The following ADK variants were observed in gnomAD, a reference collection of about 807,000 sequenced individuals.
The protein encoded by ADK is N6,N6-dimethyladenosine kinase.
ADK carries 24 observed loss-of-function variants against 44.7 expected under a neutral mutation model. The observed-to-expected ratio is 0.54, with a 90% CI of 0.39 to 0.76. The LOEUF (loss-of-function observed/expected upper bound fraction) is 0.76. ADK is among the 30% of genes least tolerant of loss of function. The probability of loss-of-function intolerance (pLI) is 0.00; values close to 1 mark genes in which losing one functional copy is unlikely to be tolerated. For synonymous variants in ADK, 128 were observed against 142.6 expected (o/e 0.90, Z 0.73); for missense variants, 321 against 425.1 (o/e 0.76, Z 2.15).
At chr10:74,172,915 A>C (rs964173558) in intron 1 of ADK, among the ~76,000 whole-genome samples, 2 of 151,856 alleles carry the variant, frequency 1.3e-5, no homozygotes, top group Non-Finnish European at 2.9e-5. Flanking sequence ...AAAAAAAAAA[A>C]AAAAACGGTT....
At chr10:74,469,863 A>G (rs924293012) in intron 6 of ADK, among the ~76,000 whole-genome samples, 2 of 152,066 alleles carry the variant, frequency 1.3e-5, no homozygotes, top group Non-Finnish European at 2.9e-5. Context: ...TAGATATTTC[A>G]TGTAAGTAGG....
chr10:74,372,424 T>A, intron 4 of ADK: 1 of 659,688 alleles, frequency 1.5e-6, no homozygotes, highest in East Asian at 2.8e-5. Context: ...TAAGCTGTTA[T>A]TGCACACGCT....
chr10:74,670,372 C>A (rs548589936), intron 10 of ADK, 103 bp downstream of exon 10: 8 of 865,450 alleles, frequency 9.2e-6, no homozygotes, highest in Non-Finnish European at 1.3e-5. Flanking sequence ...CTAATTTCTT[C>A]TTTTAAATAA....
intron 8 of ADK, among the ~76,000 whole-genome samples, chr10:74,593,702 A>G (rs1024483236): frequency 2.0e-5 from 3 of 152,192 alleles, no homozygotes; most frequent in African/African-American, 7.2e-5. Flanking sequence ...AAAACAAAAC[A>G]AAATGGTATG....
intron 8 of ADK, among the ~76,000 whole-genome samples, chr10:74,591,753 T>C (rs1310256935): frequency 6.6e-6 from 1 of 152,180 alleles, no homozygotes; most frequent in Admixed American, 6.5e-5. Flanking sequence ...TGACTCTAAA[T>C]TTGGAGCATG....
chr10:74,370,615 C>G (rs565106557), intron 4 of ADK, among the ~76,000 whole-genome samples: 1 of 152,168 alleles, frequency 6.6e-6, no homozygotes, highest in African/African-American at 2.4e-5. Context: ...TTTCTACAGG[C>G]TTTCTGATAT....
intron 4 of ADK, among the ~76,000 whole-genome samples, chr10:74,392,951 C>G (rs1284766500): frequency 6.6e-6 from 1 of 151,884 alleles, no homozygotes; most frequent in Non-Finnish European, 1.5e-5. Context: ...ATAATTTAAT[C>G]GACTGATCTT....
intron 3 of ADK, among the ~76,000 whole-genome samples, chr10:74,293,803 A>T (rs71473725): frequency 2.6e-5 from 4 of 152,344 alleles, no homozygotes; most frequent in African/African-American, 9.6e-5. Flanking sequence ...GAATTAAAGT[A>T]TAACATACAT....
intron 9 of ADK, among the ~76,000 whole-genome samples, chr10:74,632,129 C>T (rs1446474852): frequency 6.6e-6 from 1 of 152,162 alleles, no homozygotes; most frequent in Non-Finnish European, 1.5e-5. Flanking sequence ...TTCTCCCAAC[C>T]TTAAGCAACG....
At chr10:74,456,560 G>A (rs1190632583) in intron 6 of ADK, among the ~76,000 whole-genome samples, 5 of 151,164 alleles carry the variant, frequency 3.3e-5, no homozygotes, top group East Asian at 1.9e-4. Context: ...CCAGCTACTC[G>A]GGAGGCTGAG....
intron 6 of ADK, among the ~76,000 whole-genome samples, chr10:74,515,823 G>A (rs1848546896): frequency 6.6e-6 from 1 of 152,110 alleles, no homozygotes; most frequent in African/African-American, 2.4e-5. Context: ...TCTGTTGGTG[G>A]TATGGCCATG....
intron 9 of ADK, among the ~76,000 whole-genome samples, chr10:74,622,408 C>G (rs1391464747): frequency 1.3e-5 from 2 of 152,034 alleles, no homozygotes; most frequent in Non-Finnish European, 2.9e-5. Context: ...CTTGTCAGCT[C>G]TCTCATCCCT....
Position 74,347,106 on chromosome 10 carries a change from C to CAAAAA in ADK, c.273+32393_273+32397dup, listed in dbSNP as rs58074760. Among the ~76,000 whole-genome samples, 22 of 92,298 alleles carry CAAAAA rather than the reference C, an allele frequency of 2.4e-4. 3 individuals are homozygous for CAAAAA. The highest frequency in any genetic ancestry group is 1.1e-3 in the African/African-American group (16 of 14,578). 60.6% of individuals were successfully genotyped at this position (92,298 alleles called of 152,430 possible). On this transcript the variant is annotated intron_variant, in intron 4 of 10. Coordinates refer to ENST00000539909, the MANE Select transcript of ADK (RefSeq NM_006721.4). ...TGGGCGACAGAGCGACACTCTGTCT[C>CAAAAA]AAAAAAAAAAAAAAAAAAAAAAAAA...
intron 3 of ADK, among the ~76,000 whole-genome samples, chr10:74,237,107 CT>C (rs1388173484): frequency 2.0e-5 from 3 of 152,222 alleles, no homozygotes; most frequent in Non-Finnish European, 4.4e-5. Context: ...AAAAATTTCT[CT>C]GTAATATGCA....
intron 3 of ADK, among the ~76,000 whole-genome samples, chr10:74,268,447 G>T (rs565205069): frequency 7.4e-4 from 111 of 150,866 alleles, no homozygotes; most frequent in African/African-American, 2.6e-3. Context: ...CTACTTATTA[G>T]TTGTGTGACT....
At chr10:74,414,438 CAA>C (rs745416970) in intron 6 of ADK, among the ~76,000 whole-genome samples, 1 of 152,130 alleles carries the variant, frequency 6.6e-6, no homozygotes, top group African/African-American at 2.4e-5. Flanking sequence ...AATTTTCAAA[CAA>C]GAGTGTGATT....
chr10:74,333,823 A>T (rs1039619925), intron 4 of ADK, among the ~76,000 whole-genome samples: 1 of 152,194 alleles, frequency 6.6e-6, no homozygotes, highest in African/African-American at 2.4e-5. Flanking sequence ...TACTGTAAAC[A>T]TTAAGTAGTT....
intron 4 of ADK, among the ~76,000 whole-genome samples, chr10:74,342,804 TG>T (rs1218524558): frequency 6.6e-6 from 1 of 152,006 alleles, no homozygotes; most frequent in Non-Finnish European, 1.5e-5. Context: ...TGTGTGTGTG[TG>T]TGTGTGTGTG....
chr10:74,650,316 A>G (rs1259760605), intron 9 of ADK, among the ~76,000 whole-genome samples: 2 of 152,052 alleles, frequency 1.3e-5, no homozygotes, highest in Admixed American at 1.3e-4. Context: ...GCTACTCGGG[A>G]AGCTGAGGCA....
Sources: gnomAD v4.1 joint callset for allele counts (sites outside exome capture counted in the v4.1 genomes callset) on GRCh38, gnomAD v4.1.1 for gene constraint, MANE v1.5 for transcripts, NCBI Gene and HGNC (gene_info 2026-07-23, HGNC 2026-07-21) for gene names.